Variants in RABGAP1L observed in about 807,000 individuals in gnomAD.
RABGAP1L encodes rab GTPase-activating protein 1-like.
In RABGAP1L, 63 loss-of-function variants were observed where a neutral mutation model predicts 137.7. The ratio of observed to expected loss-of-function variants is 0.46; its 90% CI spans 0.37 to 0.56. The LOEUF (loss-of-function observed/expected upper bound fraction) is 0.56, where lower values mean the gene tolerates loss of function less well. Among genes scored for constraint, RABGAP1L ranks in the 20% least tolerant of loss-of-function variants. The pLI, the probability that RABGAP1L is intolerant of heterozygous loss-of-function variation, is 0.00. For synonymous variants in RABGAP1L, 431 were observed against 433.7 expected (o/e 0.99, Z 0.08); for missense variants, 1,095 against 1,244.0 (o/e 0.88, Z 1.80).
At position 174,989,929 on chromosome 1, in the gene RABGAP1L, T is replaced by A. The variant is rs1430039316; in HGVS notation, c.3084T>A (p.Ser1028=). 6.5e-7 allele frequency: 1 copy of A among 1,550,068 alleles called. No homozygotes were observed. Among genetic ancestry groups the A allele is most frequent in the Non-Finnish European group, 8.7e-7 (1 of 1,146,468 alleles). Residue 1028 remains serine (S), a synonymous_variant, in exon 26 of 26, where the codon TCT becomes TCA. Transcript: ENST00000681986. ...KNSWFSKTLN[S]IKTATGTQPL... ...CTTGGTTTAGCAAAACCCTGAACTC[T>A]ATCAAAACGGCCACGGGCACCCAGC...
intron 12 of RABGAP1L, among the ~76,000 whole-genome samples, chr1:174,378,589 G>C (rs997052711): frequency 3.3e-5 from 5 of 152,074 alleles, no homozygotes; most frequent in African/African-American, 4.8e-5. Flanking sequence ...GTCTTCTCTT[G>C]AGAAGTGTCT....
chr1:174,211,439 G>A (rs1668874584), intron 1 of RABGAP1L, among the ~76,000 whole-genome samples: 2 of 152,104 alleles, frequency 1.3e-5, no homozygotes, highest in South Asian at 4.1e-4. Flanking sequence ...TGGGTTACAA[G>A]ATAGTATTTG....
chr1:174,248,093 A>G (rs941998543), intron 5 of RABGAP1L, among the ~76,000 whole-genome samples: 1 of 152,208 alleles, frequency 6.6e-6, no homozygotes, highest in Non-Finnish European at 1.5e-5. Context: ...GTCTTCAATG[A>G]CATATTTCTA....
At chr1:174,911,306 C>CT (rs1288001432) in intron 19 of RABGAP1L, among the ~76,000 whole-genome samples, 1 of 151,954 alleles carries the variant, frequency 6.6e-6, no homozygotes, top group Non-Finnish European at 1.5e-5. Flanking sequence ...ACTATTTTTG[C>CT]TTTTTTTAAA....
intron 19 of RABGAP1L, among the ~76,000 whole-genome samples, chr1:174,881,956 G>T (rs1209364763): frequency 6.6e-6 from 1 of 151,974 alleles, no homozygotes; most frequent in African/African-American, 2.4e-5. Context: ...CTGCCTCCCG[G>T]GTCCAAGAGA....
At chr1:174,972,513 T>C (rs6425308) in intron 21 of RABGAP1L, among the ~76,000 whole-genome samples, 3 of 152,112 alleles carry the variant, frequency 2.0e-5, no homozygotes, top group Non-Finnish European at 2.9e-5. Flanking sequence ...TAAGATATTG[T>C]TAAGTATTTA....
intron 17 of RABGAP1L, among the ~76,000 whole-genome samples, chr1:174,715,088 A>G (rs1224571221): frequency 2.0e-5 from 3 of 152,278 alleles, no homozygotes; most frequent in East Asian, 1.9e-4. Context: ...AATCATTTTC[A>G]TAGTATACAT....
chr1:174,438,118 C>T (rs920998967), intron 13 of RABGAP1L, among the ~76,000 whole-genome samples: 1 of 152,102 alleles, frequency 6.6e-6, no homozygotes, highest in African/African-American at 2.4e-5. Flanking sequence ...CAAAAACATG[C>T]CAAATTGTAA....
At chr1:174,482,986 T>A (rs1423479313) in intron 13 of RABGAP1L, among the ~76,000 whole-genome samples, 3 of 152,172 alleles carry the variant, frequency 2.0e-5, no homozygotes, top group Non-Finnish European at 4.4e-5. Context: ...TAGCATTTTT[T>A]TAATTTTTAA....
rs1166364912 is a variant in RABGAP1L, at chr1:174,590,123, CTTTTTTTTTTTTTTTT to C, written c.1711-47239_1711-47224del. ...CCATTTTTTGTGACCTCTTCAGTTT[CTTTTTTTTTTTTTTTT>C]TTTTTTTTTTTTGTGAGCCAAATAA... On this transcript the variant is annotated intron_variant, in intron 13 of 25. Transcript: ENST00000681986. 1.2e-4 allele frequency among the ~76,000 whole-genome samples: 7 copies of C among 59,804 alleles called. No homozygotes were observed. The South Asian group carries it at 3.0e-3, about 26-fold the overall frequency. 39.2% of individuals were successfully genotyped at this position (59,804 alleles called of 152,430 possible). A position where few individuals can be genotyped will look rare whatever the true frequency, so the allele number is the denominator to read the frequency against.
At chr1:174,845,245 A>G (rs1413736755) in intron 19 of RABGAP1L, among the ~76,000 whole-genome samples, 1 of 96,446 alleles carries the variant, frequency 1.0e-5, no homozygotes, top group Non-Finnish European at 2.4e-5. Flanking sequence ...TGCCCTGGCC[A>G]GAACTTCCAA....
chr1:174,231,971 A>G (rs1016405458), intron 4 of RABGAP1L, among the ~76,000 whole-genome samples: 4 of 152,192 alleles, frequency 2.6e-5, no homozygotes, highest in African/African-American at 9.7e-5. Context: ...CATATCAACA[A>G]TTACGCTTAG....
chr1:174,424,121 T>C (rs977605699), intron 13 of RABGAP1L, among the ~76,000 whole-genome samples: 2 of 152,120 alleles, frequency 1.3e-5, no homozygotes, highest in Non-Finnish European at 2.9e-5. Context: ...AAGGAAAATA[T>C]GTGTCTATGG....
intron 13 of RABGAP1L, among the ~76,000 whole-genome samples, chr1:174,575,593 G>A (rs1377757168): frequency 6.6e-6 from 1 of 152,196 alleles, no homozygotes; most frequent in African/African-American, 2.4e-5. Context: ...TGGTATTTTT[G>A]TCATTGACAA....
intron 11 of RABGAP1L, among the ~76,000 whole-genome samples, chr1:174,333,974 T>G (rs1176087824): frequency 6.6e-6 from 1 of 152,158 alleles, no homozygotes; most frequent in Non-Finnish European, 1.5e-5. Flanking sequence ...GTGGAGATCC[T>G]ACAATTATCA....
chr1:174,353,982 T>C (rs1321836603), intron 11 of RABGAP1L, among the ~76,000 whole-genome samples: 2 of 152,216 alleles, frequency 1.3e-5, no homozygotes, highest in Non-Finnish European at 1.5e-5. Flanking sequence ...GAGATATGAA[T>C]GTGGTCTCAC....
intron 13 of RABGAP1L, among the ~76,000 whole-genome samples, chr1:174,461,592 C>T (rs557670480): frequency 4.5e-4 from 68 of 152,138 alleles, no homozygotes; most frequent in African/African-American, 1.4e-3. Flanking sequence ...TTTCTTGAGC[C>T]GAATTGAATT....
At chr1:174,564,333 C>A (rs1667426145) in intron 13 of RABGAP1L, among the ~76,000 whole-genome samples, 1 of 152,116 alleles carries the variant, frequency 6.6e-6, no homozygotes, top group Admixed American at 6.6e-5. Context: ...GATCAGCTTG[C>A]AACTAATTAT....
intron 11 of RABGAP1L, among the ~76,000 whole-genome samples, chr1:174,358,579 G>C (rs1018428160): frequency 6.6e-6 from 1 of 151,962 alleles, no homozygotes; most frequent in Non-Finnish European, 1.5e-5. Flanking sequence ...CACAGAGTAC[G>C]TGACTGCTTC....
Sources: allele counts gnomAD v4.1 joint callset (sites outside exome capture counted in the v4.1 genomes callset), GRCh38; gene constraint gnomAD v4.1.1; transcripts MANE v1.5; gene names NCBI Gene and HGNC (gene_info 2026-07-23, HGNC 2026-07-21).